DLGAP1: variants seen among roughly 807,000 people sequenced by gnomAD.
DLGAP1 encodes DLG associated protein 1.
A neutral mutation model predicts 90.8 loss-of-function variants in DLGAP1; 11 were observed. That is an observed-to-expected ratio of 0.12 (90% CI 0.08 to 0.20). DLGAP1 has a LOEUF of 0.20. DLGAP1 is among the 10% of genes least tolerant of loss of function. The pLI, the probability that DLGAP1 is intolerant of heterozygous loss-of-function variation, is 1.00. For synonymous variants in DLGAP1, 558 were observed against 540.7 expected (o/e 1.03, Z -0.44); for missense variants, 1,050 against 1,333.8 (o/e 0.79, Z 3.31).
chr18:3,520,077 T>C (rs934154081), intron 10 of DLGAP1, among the ~76,000 whole-genome samples: 3 of 152,210 alleles, frequency 2.0e-5, no homozygotes, highest in Non-Finnish European at 2.9e-5. Context: ...TTTGGTATTT[T>C]GTTGGAGCAA....
rs2082173044 is a variant in DLGAP1, at chr18:4,383,562, G to C, written c.-267+71444C>G. Reference sequence around the variant, plus strand: ...ACTGAACAAGCTCTGTATGCACTTAGACAAAACCGAGTATCCTTGCTCATT... The same window carrying C: ...ACTGAACAAGCTCTGTATGCACTTACACAAAACCGAGTATCCTTGCTCATT... On this transcript the variant is annotated intron_variant, in intron 1 of 12. Transcript: ENST00000315677. The surrounding 1 kb of genome is among the most constrained non-coding windows in gnomAD (Gnocchi z 4.0). 6.6e-6 allele frequency among the ~76,000 whole-genome samples: 1 copy of C among 151,868 alleles called. No individual in the cohort carries two copies. Among genetic ancestry groups the C allele is most frequent in the African/African-American group, 2.4e-5 (1 of 41,334 alleles).
intron 4 of DLGAP1, among the ~76,000 whole-genome samples, chr18:3,858,672 A>C (rs1001205005): frequency 6.6e-6 from 1 of 152,114 alleles, no homozygotes; most frequent in African/African-American, 2.4e-5. Flanking sequence ...GAGACTGATA[A>C]AAATTTCAAA....
In DLGAP1 at chr18:3,874,913, G is replaced by T. The variant is rs532230299; in HGVS notation, c.957+4199C>A. The stretch of plus-strand genomic sequence containing the variant: ...TAACTGGGACTTGCAACGATTTCAA[G>T]CTACAGTATTTGATTCCTAAGTCAA... On this transcript the variant is annotated intron_variant, in intron 4 of 12. Transcript: ENST00000315677. 5.1e-6 allele frequency: 3 copies of T among 589,780 alleles called. No individual in the cohort carries two copies. The South Asian group carries it at 2.0e-4, about 39-fold the overall frequency. The allele number at this position is 589,780 out of a possible 1,614,324, so 36.5% of individuals were successfully genotyped here.
intron 8 of DLGAP1, 52 bp downstream of exon 8, chr18:3,581,822 AC>A: frequency 6.3e-7 from 1 of 1,590,508 alleles, no homozygotes; most frequent in Middle Eastern, 1.8e-4. Context: ...AAAAAGTGTT[AC>A]ATTCCTTAGT....
intron 7 of DLGAP1, among the ~76,000 whole-genome samples, chr18:3,628,836 A>G (rs1400011612): frequency 2.0e-5 from 3 of 152,154 alleles, no homozygotes; most frequent in Non-Finnish European, 4.4e-5. Context: ...TTCCATTGCT[A>G]TATGAAAATA....
intron 10 of DLGAP1, among the ~76,000 whole-genome samples, chr18:3,515,984 T>C (rs1271379675): frequency 6.6e-6 from 1 of 152,168 alleles, no homozygotes; most frequent in East Asian, 1.9e-4. Flanking sequence ...AGTTTGATCA[T>C]GAAATTATAG....
chr18:4,004,787 T>C (rs2074266992), intron 3 of DLGAP1, among the ~76,000 whole-genome samples: 1 of 152,088 alleles, frequency 6.6e-6, no homozygotes, highest in Non-Finnish European at 1.5e-5. Context: ...GGACATAGAA[T>C]AGAGCATTGA....
At chr18:4,269,349 TATATA>T (rs2079204346) in intron 1 of DLGAP1, among the ~76,000 whole-genome samples, 2 of 131,398 alleles carry the variant, frequency 1.5e-5, no homozygotes, top group African/African-American at 6.5e-5. Flanking sequence ...TATATATATA[TATATA>T]TTTTTTTTTT....
At chr18:4,404,034 T>C (rs543945560) in intron 1 of DLGAP1, among the ~76,000 whole-genome samples, 22 of 152,240 alleles carry the variant, frequency 1.4e-4, no homozygotes, top group Non-Finnish European at 2.5e-4. Context: ...CTCTGCCAAA[T>C]TGCTCTCAGG....
chr18:4,446,217 T>C (rs1182286880), intron 1 of DLGAP1, among the ~76,000 whole-genome samples: 2 of 152,132 alleles, frequency 1.3e-5, no homozygotes, highest in Non-Finnish European at 2.9e-5. Context: ...GCCAACCACG[T>C]TCTAGGCATA....
At chr18:3,545,293 A>C (rs938553107) in intron 9 of DLGAP1, among the ~76,000 whole-genome samples, 1 of 152,168 alleles carries the variant, frequency 6.6e-6, no homozygotes, top group African/African-American at 2.4e-5. Context: ...AAGAAAAAAA[A>C]AAGAAATGGA....
At chr18:4,105,825 T>C (rs2075850763) in intron 2 of DLGAP1, among the ~76,000 whole-genome samples, 1 of 151,390 alleles carries the variant, frequency 6.6e-6, no homozygotes, top group Non-Finnish European at 1.5e-5. Context: ...GGTCAGGAGA[T>C]CGAGACCATC....
At chr18:4,087,913 T>A (rs2075710657) in intron 2 of DLGAP1, among the ~76,000 whole-genome samples, 1 of 152,164 alleles carries the variant, frequency 6.6e-6, no homozygotes, top group Non-Finnish European at 1.5e-5. Flanking sequence ...ACCATTGACA[T>A]CTGTGTCACT....
chr18:4,215,593 T>C lies in DLGAP1; in HGVS notation c.-266-64306A>G, dbSNP rs144689176. 6.3e-3 allele frequency among the ~76,000 whole-genome samples: 952 copies of C among 152,268 alleles called. 6 individuals carry two copies. Among genetic ancestry groups the C allele is most frequent in the African/African-American group, 0.022 (913 of 41,546 alleles). ...TGATACTGCAGTCAGTATTTCTGGT[T>C]CTATGTGGCCAGTAAGAGGGAAATT... is the stretch of plus-strand genomic sequence containing the variant. On this transcript the variant is annotated intron_variant, in intron 1 of 12. Coordinates refer to ENST00000315677, the MANE Select transcript of DLGAP1 (RefSeq NM_004746.4).
At chr18:3,587,407 G>A (rs1204928314) in intron 7 of DLGAP1, among the ~76,000 whole-genome samples, 2 of 152,184 alleles carry the variant, frequency 1.3e-5, no homozygotes, top group African/African-American at 4.8e-5. Context: ...GGGACTTGGA[G>A]AACTTTTCTA....
At chr18:3,911,773 C>T (rs1322901390) in intron 3 of DLGAP1, among the ~76,000 whole-genome samples, 2 of 152,222 alleles carry the variant, frequency 1.3e-5, no homozygotes, top group Non-Finnish European at 2.9e-5. Context: ...CTTCTCCTTC[C>T]TCTCTTATTG....
intron 1 of DLGAP1, among the ~76,000 whole-genome samples, chr18:4,239,441 A>AC (rs2078484338): frequency 6.6e-6 from 1 of 152,226 alleles, no homozygotes; most frequent in Non-Finnish European, 1.5e-5. Flanking sequence ...AAGCAATTTT[A>AC]CCTGCTGAGA....
chr18:3,752,572 T>A lies in DLGAP1; in HGVS notation c.1173-10060A>T, dbSNP rs190420565. On this transcript the variant is annotated intron_variant, in intron 5 of 12. Transcript: ENST00000315677. ...CTCCCTTCCTTCCTTCTCTTTCTCT[T>A]TCTTTCTTCTCTCTCTTTCTCTCTC... Among the ~76,000 whole-genome samples, 140 of 126,660 alleles carry A rather than the reference T, an allele frequency of 1.1e-3. 1 individual carries two copies. The highest frequency in any genetic ancestry group is 4.0e-3 in the African/African-American group (134 of 33,644). 83.1% of individuals were successfully genotyped at this position (126,660 alleles called of 152,430 possible). A position where few individuals can be genotyped will look rare whatever the true frequency, so the allele number is the denominator to read the frequency against.
intron 11 of DLGAP1, among the ~76,000 whole-genome samples, chr18:3,503,484 ATATCATACTCTTTGTTAAT>A (rs1432967211): frequency 6.6e-6 from 1 of 152,186 alleles, no homozygotes; most frequent in African/African-American, 2.4e-5. Context: ...GAGACTGAAA[ATATCATACTCTTTGTTAAT>A]TACTACCTGC....
Sources: gnomAD v4.1 joint callset for allele counts (sites outside exome capture counted in the v4.1 genomes callset) on GRCh38, gnomAD v4.1.1 for gene constraint, Gnocchi (gnomAD v3.1) non-coding constraint, MANE v1.5 for transcripts, NCBI Gene and HGNC (gene_info 2026-07-23, HGNC 2026-07-21) for gene names.